IQCJ: variants seen among roughly 807,000 people sequenced by gnomAD.
The protein encoded by IQCJ is IQ motif containing J, also known as IQ domain-containing protein J.
Under a neutral mutation model 11.0 loss-of-function variants are expected in IQCJ, and 9 were observed. The observed-to-expected ratio is 0.82, with a 90% CI of 0.49 to 1.43. IQCJ has a LOEUF of 1.43. Ranked by LOEUF, IQCJ falls within the 40% of genes most tolerant of loss-of-function variation. The probability of loss-of-function intolerance (pLI) is 0.00; values close to 1 mark genes in which losing one functional copy is unlikely to be tolerated. For synonymous variants in IQCJ, 55 were observed against 51.3 expected, an observed-to-expected ratio of 1.07 and a Z score of -0.31; for missense variants, 146 against 133.2, an observed-to-expected ratio of 1.10 and a Z score of -0.47.
chr3:159,106,101 G>A (rs1461626033), intron 1 of IQCJ, among the ~76,000 whole-genome samples: 2 of 152,148 alleles, frequency 1.3e-5, no homozygotes. Flanking sequence ...GTGTATGTAG[G>A]AGAAGAGGAG....
intron 1 of IQCJ, among the ~76,000 whole-genome samples, chr3:159,198,928 G>A (rs1280817179): frequency 6.6e-6 from 1 of 152,144 alleles, no homozygotes; most frequent in African/African-American, 2.4e-5. Flanking sequence ...CTCTTCTTCT[G>A]GGTATCTGCC....
chr3:159,264,556 T>A (rs1189413373), downstream of IQCJ, among the ~76,000 whole-genome samples: 2 of 152,288 alleles, frequency 1.3e-5, no homozygotes, highest in South Asian at 4.1e-4. Context: ...CATATCATCA[T>A]CCTTTAGCTC....
chr3:159,191,515 C>T (rs1039939121), intron 1 of IQCJ, among the ~76,000 whole-genome samples: 4 of 152,046 alleles, frequency 2.6e-5, no homozygotes, highest in Admixed American at 2.0e-4. Context: ...AAGTGGTCAT[C>T]GTGTTTTCCC....
chr3:159,246,711 T>C (rs1171771292), intron 2 of IQCJ, among the ~76,000 whole-genome samples: 1 of 152,162 alleles, frequency 6.6e-6, no homozygotes, highest in African/African-American at 2.4e-5. Context: ...TCTGGAACCA[T>C]GTGAAACTAC....
intron 1 of IQCJ, among the ~76,000 whole-genome samples, chr3:159,186,787 C>G (rs1292043463): frequency 6.6e-6 from 1 of 152,240 alleles, no homozygotes; most frequent in African/African-American, 2.4e-5. Context: ...TCTCACTCAT[C>G]AATCTGAACT....
At chr3:159,136,328 C>G (rs1193239208) in intron 1 of IQCJ, among the ~76,000 whole-genome samples, 1 of 152,150 alleles carries the variant, frequency 6.6e-6, no homozygotes, top group African/African-American at 2.4e-5. Context: ...ATTGCCATGG[C>G]CTTTGGGAAG....
intron 1 of IQCJ, among the ~76,000 whole-genome samples, chr3:159,240,587 A>G (rs1726861079): frequency 6.6e-6 from 1 of 152,230 alleles, no homozygotes; most frequent in South Asian, 2.1e-4. Context: ...TATATAAAAA[A>G]GAGATCCAGT....
At chr3:159,083,126 T>TA (rs1395217846) in intron 1 of IQCJ, among the ~76,000 whole-genome samples, 4 of 152,138 alleles carry the variant, frequency 2.6e-5, no homozygotes, top group African/African-American at 9.6e-5. Flanking sequence ...TTATCAACAT[T>TA]AAAAACTTTT....
intron 1 of IQCJ, among the ~76,000 whole-genome samples, chr3:159,122,696 A>G (rs982782921): frequency 3.9e-5 from 6 of 152,250 alleles, no homozygotes; most frequent in East Asian, 1.9e-4. Flanking sequence ...AGTGAAAATA[A>G]AAGAGAAAAA....
chr3:159,208,608 G>T (rs1281238647), intron 1 of IQCJ, among the ~76,000 whole-genome samples: 1 of 152,090 alleles, frequency 6.6e-6, no homozygotes, highest in African/African-American at 2.4e-5. Flanking sequence ...TTTTGCAAAG[G>T]GGAATTTTCT....
At chr3:159,073,385 C>T (rs1476612963) in intron 1 of IQCJ, among the ~76,000 whole-genome samples, 3 of 152,026 alleles carry the variant, frequency 2.0e-5, no homozygotes, top group Non-Finnish European at 4.4e-5. Flanking sequence ...ATCATAGGAA[C>T]TTAGCGGTAA....
chr3:159,166,374 C>T (rs1489080219), intron 1 of IQCJ, among the ~76,000 whole-genome samples: 1 of 152,164 alleles, frequency 6.6e-6, no homozygotes, highest in Non-Finnish European at 1.5e-5. Flanking sequence ...AGTTAGAAAT[C>T]CTGCTGTACT....
intron 1 of IQCJ, among the ~76,000 whole-genome samples, chr3:159,106,036 G>A (rs1443231556): frequency 6.6e-6 from 1 of 152,180 alleles, no homozygotes; most frequent in Non-Finnish European, 1.5e-5. Flanking sequence ...GAAGTTGTCA[G>A]ATCTGGATAC....
intron 1 of IQCJ, among the ~76,000 whole-genome samples, chr3:159,201,965 A>G (rs1724373536): frequency 6.6e-6 from 1 of 152,184 alleles, no homozygotes; most frequent in Non-Finnish European, 1.5e-5. Context: ...AACGTGGAGC[A>G]CAAAATATAC....
chr3:159,116,914 C>A (rs1257579838), intron 1 of IQCJ, among the ~76,000 whole-genome samples: 1 of 151,440 alleles, frequency 6.6e-6, no homozygotes, highest in Admixed American at 6.6e-5. Flanking sequence ...GCTACCAGCC[C>A]CTGAGAAAGA....
chr3:159,113,523 G>T (rs375300720), intron 1 of IQCJ, among the ~76,000 whole-genome samples: 1 of 152,202 alleles, frequency 6.6e-6, no homozygotes, highest in South Asian at 2.1e-4. Flanking sequence ...TCCATTTAAA[G>T]AATTGCTTTT....
At chr3:159,154,456 A>G (rs945479357) in intron 1 of IQCJ, among the ~76,000 whole-genome samples, 2 of 152,118 alleles carry the variant, frequency 1.3e-5, no homozygotes, top group Non-Finnish European at 2.9e-5. Flanking sequence ...CTTAATTGTA[A>G]TCACTTTGAT....
intron 1 of IQCJ, among the ~76,000 whole-genome samples, chr3:159,108,677 G>A (rs1425022329): frequency 6.6e-6 from 1 of 152,162 alleles, no homozygotes; most frequent in African/African-American, 2.4e-5. Flanking sequence ...AAACTCTGCA[G>A]CAATAATTTA....
intron 1 of IQCJ, among the ~76,000 whole-genome samples, chr3:159,142,713 C>G (rs1354808350): frequency 1.3e-5 from 2 of 152,140 alleles, no homozygotes; most frequent in Admixed American, 6.5e-5. Flanking sequence ...CCACCGTACC[C>G]AGCCCGGGGG....
Sources: allele counts gnomAD v4.1 joint callset (sites outside exome capture counted in the v4.1 genomes callset), GRCh38; gene constraint gnomAD v4.1.1; transcripts MANE v1.5; gene names NCBI Gene and HGNC (gene_info 2026-07-23, HGNC 2026-07-21).